DOCK10: variants seen among roughly 807,000 people sequenced by gnomAD.
DOCK10 encodes the protein dedicator of cytokinesis protein 10.
Under a neutral mutation model 280.1 loss-of-function variants are expected in DOCK10, and 145 were observed. The ratio of observed to expected loss-of-function variants is 0.52; its 90% confidence interval spans 0.45 to 0.59. DOCK10 has a LOEUF of 0.59. DOCK10 is among the 20% of genes least tolerant of loss of function. The probability of loss-of-function intolerance (pLI) is 0.00; values close to 1 mark genes in which losing one functional copy is unlikely to be tolerated. For synonymous variants in DOCK10, 915 were observed against 942.2 expected (o/e 0.97, Z 0.53); for missense variants, 2,368 against 2,651.7 (o/e 0.89, Z 2.35).
chr2:224,976,833 C>T (rs534632194), intron 1 of DOCK10, among the ~76,000 whole-genome samples: 60 of 152,248 alleles, frequency 3.9e-4, no homozygotes, highest in Non-Finnish European at 6.6e-4. Context: ...CACCCTCTTC[C>T]TCCTTCTTTT....
At chr2:224,837,870 G>T in intron 24 of DOCK10, 39 bp from the exon 25 acceptor site, 1 of 1,557,570 alleles carries the variant, frequency 6.4e-7, no homozygotes, top group Non-Finnish European at 8.9e-7. Context: ...TTCTGGAGAG[G>T]GCAGAAAAAC....
chr2:224,946,934 C>T, intron 1 of DOCK10: 1 of 1,543,184 alleles, frequency 6.5e-7, no homozygotes, highest in Non-Finnish European at 8.7e-7. Flanking sequence ...GTTTAAAAAC[C>T]TTCCCTCGAA....
intron 16 of DOCK10, among the ~76,000 whole-genome samples, chr2:224,854,419 A>G (rs1352207897): frequency 6.6e-6 from 1 of 152,216 alleles, no homozygotes; most frequent in Non-Finnish European, 1.5e-5. Flanking sequence ...TCTGTATAAT[A>G]ACAGAGTCTG....
chr2:224,917,861 C>T (rs1055804653), intron 2 of DOCK10, among the ~76,000 whole-genome samples: 1 of 152,178 alleles, frequency 6.6e-6, no homozygotes, highest in African/African-American at 2.4e-5. Context: ...TTAGTCTGTG[C>T]ACCTCAGTAG....
At chr2:224,780,805 C>G (rs1382951370) in intron 50 of DOCK10, among the ~76,000 whole-genome samples, 1 of 151,762 alleles carries the variant, frequency 6.6e-6, no homozygotes, top group African/African-American at 2.4e-5. Context: ...GAGGCTGAGG[C>G]AGGAGAATCG....
chr2:224,986,971 A>G (rs1705992037), intron 1 of DOCK10, among the ~76,000 whole-genome samples: 1 of 152,138 alleles, frequency 6.6e-6, no homozygotes, highest in South Asian at 2.1e-4. Context: ...CCTGCTTCCA[A>G]AACACAAATG....
chr2:225,003,958 T>C (rs1575160183), intron 1 of DOCK10, among the ~76,000 whole-genome samples: 1 of 152,364 alleles, frequency 6.6e-6, no homozygotes, highest in East Asian at 1.9e-4. Context: ...ATAAACATGA[T>C]AATGACAAAC....
At chr2:224,778,025 C>T (rs778615903) in intron 51 of DOCK10, 113 bp downstream of exon 51, 66 of 1,085,386 alleles carry the variant, frequency 6.1e-5, no homozygotes, top group Admixed American at 3.0e-4. Flanking sequence ...CATCTAAAAT[C>T]GTTTTTGTAG....
rs548625851 is a variant in DOCK10 at position 224,972,356 on chromosome 2, T to C, written c.124-40688A>G. The stretch of plus-strand genomic sequence containing the variant: ...ACCAATATTAAGGATGCAGATAATC[T>C]ACCAAATGAATCCATATTCTTTCCA... On this transcript the variant is annotated intron_variant, in intron 1 of 55. Transcript: ENST00000258390. Among the ~76,000 whole-genome samples the C allele has an allele frequency of 2.0e-5, 3 of 152,330 alleles. 1 individual carries two copies. The East Asian group carries it at 5.8e-4, about 29-fold the overall frequency.
Position 224,853,189 on chromosome 2 carries a change from A to G in DOCK10, c.1889-67T>C, listed in dbSNP as rs369522094. Reference sequence around the variant, plus strand: ...TCTTTTAAAGTGAACAATAGTTAACATGTTTTAAAATGAACCCACTCAAGA... The same window carrying G: ...TCTTTTAAAGTGAACAATAGTTAACGTGTTTTAAAATGAACCCACTCAAGA... On this transcript the variant is annotated intron_variant, in intron 16 of 55. Coordinates refer to ENST00000258390, the MANE Select transcript of DOCK10 (RefSeq NM_014689.3). The G allele has an allele frequency of 6.2e-5, 83 of 1,331,038 alleles. No individual in the cohort carries two copies. In the East Asian group the frequency reaches 9.6e-4, roughly 15 times the overall value. 82.5% of individuals were successfully genotyped at this position (1,331,038 alleles called of 1,614,324 possible).
intron 1 of DOCK10, among the ~76,000 whole-genome samples, chr2:224,953,054 C>T (rs1475495478): frequency 7.9e-6 from 1 of 127,150 alleles, no homozygotes; most frequent in Non-Finnish European, 1.7e-5. Flanking sequence ...CCAAAAGTAC[C>T]ATTAGGAATT....
intron 1 of DOCK10, among the ~76,000 whole-genome samples, chr2:225,018,829 G>A: frequency 2.1e-5 from 3 of 143,004 alleles, no homozygotes; most frequent in African/African-American, 8.2e-5. Context: ...ATATATGTAT[G>A]TGTATATACA....
rs888762994 is a variant in DOCK10, at chr2:224,970,913, C to G, written c.124-39245G>C. 6.6e-5 allele frequency among the ~76,000 whole-genome samples: 10 copies of G among 152,178 alleles called. No homozygotes were observed. The highest frequency in any genetic ancestry group is 2.4e-4 in the African/African-American group (10 of 41,438). On this transcript the variant is annotated intron_variant, in intron 1 of 55. Coordinates refer to ENST00000258390, the MANE Select transcript of DOCK10 (RefSeq NM_014689.3). The surrounding 1 kb of genome is among the most constrained non-coding windows in gnomAD (Gnocchi z 4.6). The stretch of plus-strand genomic sequence containing the variant: ...CTATGTAGTTTCACTTAAAATTCTG[C>G]ACATACCTTGGAACTATAGCTCATT...
At position 224,792,959 on chromosome 2, in the gene DOCK10, A is replaced by G; in HGVS notation, c.5311+15T>C. ...TTCCTCTGCATTGGGATAAATGAGC[A>G]GTTAGGTCACTCACTTCCTCCACTG... On this transcript the variant is annotated intron_variant, in intron 47 of 55. Transcript: ENST00000258390. 6.3e-7 allele frequency: 1 copy of G among 1,581,674 alleles called. No individual in the cohort carries two copies. The highest frequency in any genetic ancestry group is 8.7e-7 in the Non-Finnish European group (1 of 1,151,352).
At chr2:224,897,800 G>A (rs992521535) in intron 3 of DOCK10, among the ~76,000 whole-genome samples, 11 of 152,010 alleles carry the variant, frequency 7.2e-5, no homozygotes, top group African/African-American at 2.4e-4. Flanking sequence ...ACGTAATGAC[G>A]GATTATATAA....
intron 45 of DOCK10, 75 bp downstream of exon 45, chr2:224,794,804 G>T: frequency 1.4e-6 from 2 of 1,405,162 alleles, no homozygotes; most frequent in Non-Finnish European, 2.0e-6. Flanking sequence ...TCTAGTCCAT[G>T]CTGTAAATGA....
At chr2:224,830,494 G>T in intron 27 of DOCK10, 47 bp downstream of exon 27, 1 of 1,035,300 alleles carries the variant, frequency 9.7e-7, no homozygotes, top group Non-Finnish European at 1.3e-6. Context: ...GTAATTGTTG[G>T]ATAATATTGT....
rs1372416692 is a variant in DOCK10, at chr2:224,793,471, G to A, written c.5155-14C>T. 6.2e-7 allele frequency: 1 copy of A among 1,610,212 alleles called. No individual in the cohort carries two copies. The highest frequency in any genetic ancestry group is 8.5e-7 in the Non-Finnish European group (1 of 1,177,224). On this transcript the variant is annotated splice_polypyrimidine_tract_variant and intron_variant, in intron 45 of 55. Coordinates refer to ENST00000258390, the MANE Select transcript of DOCK10 (RefSeq NM_014689.3). ...ACACATGGCAGCCTGTAATGAGAAA[G>A]AAAATAAAGAGGCTCAGGGGATGGA... is the stretch of plus-strand genomic sequence containing the variant.
intron 1 of DOCK10, among the ~76,000 whole-genome samples, chr2:224,936,123 A>G (rs1358689113): frequency 6.6e-6 from 1 of 152,160 alleles, no homozygotes; most frequent in Non-Finnish European, 1.5e-5. Flanking sequence ...GTGCTTTGGG[A>G]AGGACATTGA....
Sources: gnomAD v4.1 joint callset for allele counts (sites outside exome capture counted in the v4.1 genomes callset) on GRCh38, gnomAD v4.1.1 for gene constraint, Gnocchi (gnomAD v3.1) non-coding constraint, MANE v1.5 for transcripts, NCBI Gene and HGNC (gene_info 2026-07-23, HGNC 2026-07-21) for gene names.